PPP1R12A: variants seen among roughly 807,000 people sequenced by gnomAD.
PPP1R12A encodes the protein myosin binding subunit.
A neutral mutation model predicts 139.6 loss-of-function variants in PPP1R12A; 19 were observed. That is an observed-to-expected ratio of 0.14 (90% confidence interval 0.09 to 0.20). The LOEUF (loss-of-function observed/expected upper bound fraction) is 0.20, where lower values mean the gene tolerates loss of function less well. Among genes scored for constraint, PPP1R12A ranks in the 10% least tolerant of loss-of-function variants. The pLI is 1.00. For missense variants in PPP1R12A, 925 were observed against 1,211.5 expected (o/e 0.76, Z 3.51); for synonymous variants, 427 against 420.6 (o/e 1.02, Z -0.19).
chr12:79,831,214 GA>G (rs1234957359), intron 4 of PPP1R12A, among the ~76,000 whole-genome samples: 2 of 151,884 alleles, frequency 1.3e-5, no homozygotes, highest in African/African-American at 4.8e-5. Context: ...AGGTGGACAA[GA>G]AAACTAATAA....
At chr12:79,907,375 GA>G (rs910435406) in intron 1 of PPP1R12A, among the ~76,000 whole-genome samples, 9 of 151,922 alleles carry the variant, frequency 5.9e-5, no homozygotes, top group African/African-American at 2.4e-5. Flanking sequence ...AATTGGGGGG[GA>G]AAAACTTCTG....
chr12:79,892,852 C>T lies in PPP1R12A; in HGVS notation c.238-19914G>A, dbSNP rs140612847. On this transcript the variant is annotated intron_variant, in intron 1 of 24. Coordinates refer to ENST00000450142, the MANE Select transcript of PPP1R12A (RefSeq NM_002480.3). ...GGCGTGGTGGCTCATCCCTATAATC[C>T]CAGTACTTTGGAAGGCCAAGGTGGG... Among the ~76,000 whole-genome samples, 12 of 152,228 alleles carry T rather than the reference C, an allele frequency of 7.9e-5. No individual in the cohort carries two copies. In the East Asian group the frequency reaches 2.3e-3, roughly 29 times the overall value.
intron 3 of PPP1R12A, among the ~76,000 whole-genome samples, chr12:79,837,634 C>T (rs1277310841): frequency 6.6e-6 from 1 of 152,150 alleles, no homozygotes; most frequent in East Asian, 1.9e-4. Flanking sequence ...TGGGAGGTAA[C>T]TAAATCATGG....
At chr12:79,791,548 G>A (rs1369847119) in intron 19 of PPP1R12A, among the ~76,000 whole-genome samples, 1 of 152,084 alleles carries the variant, frequency 6.6e-6, no homozygotes, top group East Asian at 1.9e-4. Flanking sequence ...GGTTGGTCTT[G>A]AACTCCTGGG....
At chr12:79,875,430 C>A (rs1340507627) in intron 1 of PPP1R12A, among the ~76,000 whole-genome samples, 1 of 152,186 alleles carries the variant, frequency 6.6e-6, no homozygotes, top group East Asian at 1.9e-4. Context: ...CACAAAGCCA[C>A]TATTTGCCCA....
upstream of PPP1R12A, chr12:79,935,459 T>G: frequency 3.0e-6 from 3 of 987,630 alleles, no homozygotes; most frequent in Non-Finnish European, 2.4e-6. Context: ...CAGATCTGCC[T>G]CCCGTGCTGT....
Position 79,820,882 on chromosome 12 carries a change from A to C in PPP1R12A, c.1006T>G (p.Ser336Ala). 1 of 1,613,428 alleles carries C rather than the reference A, an allele frequency of 6.2e-7. No individual in the cohort carries two copies. The highest frequency in any genetic ancestry group is 8.5e-7 in the Non-Finnish European group (1 of 1,179,738). The change falls in exon 8 of 25, where the codon TCT (serine) becomes GCT (alanine). Residue 336 changes from serine (S) to alanine (A), a missense_variant. Physicochemically the swap from Ser to Ala is moderately conservative, Grantham distance 99 (BLOSUM62 1). Transcript: ENST00000450142. Reference sequence around the variant, plus strand: ...TCATCAACCTTTTCTTGTTCCAGAGATTCAATACGGGATGCATTTTTCTCT... The same window carrying C: ...TCATCAACCTTTTCTTGTTCCAGAGCTTCAATACGGGATGCATTTTTCTCT... ...EPEKNASRIE[S>A]LEQEKVDEEE...
intron 2 of PPP1R12A, among the ~76,000 whole-genome samples, chr12:79,846,684 C>T (rs1879450413): frequency 6.6e-6 from 1 of 151,586 alleles, no homozygotes; most frequent in South Asian, 2.1e-4. Flanking sequence ...CTGCCTCGGC[C>T]TCCCAAAGTG....
At chr12:79,823,037 C>A (rs1234427532) in intron 5 of PPP1R12A, among the ~76,000 whole-genome samples, 6 of 152,066 alleles carry the variant, frequency 3.9e-5, no homozygotes, top group African/African-American at 1.4e-4. Flanking sequence ...AGCTGTTTAA[C>A]ATTCAGCCAG....
At chr12:79,834,119 C>G (rs1317443423) in intron 3 of PPP1R12A, among the ~76,000 whole-genome samples, 1 of 151,944 alleles carries the variant, frequency 6.6e-6, no homozygotes, top group African/African-American at 2.4e-5. Flanking sequence ...GAAGATGATT[C>G]ATTTGTGAAG....
At chr12:79,865,767 T>C (rs1042360793) in intron 2 of PPP1R12A, among the ~76,000 whole-genome samples, 1 of 152,132 alleles carries the variant, frequency 6.6e-6, no homozygotes, top group African/African-American at 2.4e-5. Context: ...ATAAGCGATG[T>C]GAAGGACCTC....
At position 79,798,553 on chromosome 12, in the gene PPP1R12A, A is replaced by C. The variant is rs766981682; in HGVS notation, c.2032T>G (p.Ser678Ala). The C allele has an allele frequency of 2.5e-6, 4 of 1,570,074 alleles. No homozygotes were observed. Among genetic ancestry groups the C allele is most frequent in the Admixed American group, 3.7e-5 (2 of 54,696 alleles). The change falls in exon 15 of 25, where the codon TCT becomes GCT. Residue 678 changes from serine (S) to alanine (A), a missense_variant. Coordinates refer to ENST00000450142, the MANE Select transcript of PPP1R12A (RefSeq NM_002480.3). ...GATCTTGCTTTTCTTTGGGATTCAG[A>C]CTCTTCATCCCTAACAGGAGTGAGG... ...SYLTPVRDEE[S>A]ESQRKARSRQ...
intron 3 of PPP1R12A, among the ~76,000 whole-genome samples, 187 bp downstream of exon 3, chr12:79,845,115 A>G (rs1879226725): frequency 6.6e-6 from 1 of 152,212 alleles, no homozygotes; most frequent in Non-Finnish European, 1.5e-5. Context: ...TTTAACTTTA[A>G]AAATACTTAA....
intron 8 of PPP1R12A, among the ~76,000 whole-genome samples, chr12:79,820,396 T>C (rs914200067): frequency 6.6e-5 from 10 of 152,176 alleles, no homozygotes; most frequent in African/African-American, 2.4e-4. Flanking sequence ...TACTTTACTA[T>C]TTCTTAGGGA....
At chr12:79,855,815 T>C (rs1565780502) in intron 2 of PPP1R12A, among the ~76,000 whole-genome samples, 1 of 152,098 alleles carries the variant, frequency 6.6e-6, no homozygotes, top group African/African-American at 2.4e-5. Flanking sequence ...AAACTTAAAA[T>C]TTATGTTTTC....
chr12:79,791,012 A>G (rs1871777087), intron 19 of PPP1R12A, among the ~76,000 whole-genome samples: 1 of 152,150 alleles, frequency 6.6e-6, no homozygotes, highest in African/African-American at 2.4e-5. Context: ...GTTTTACTAA[A>G]GTCTGTAAAT....
At chr12:79,921,310 TAAAAAG>T (rs1313500707) in intron 1 of PPP1R12A, among the ~76,000 whole-genome samples, 1 of 151,884 alleles carries the variant, frequency 6.6e-6, no homozygotes, top group African/African-American at 2.4e-5. Flanking sequence ...ACAGATCATA[TAAAAAG>T]AAAGTTGAAA....
At chr12:79,805,023 G>C (rs1055868108) in intron 14 of PPP1R12A, among the ~76,000 whole-genome samples, 12 of 152,118 alleles carry the variant, frequency 7.9e-5, no homozygotes, top group Admixed American at 7.9e-4. Context: ...AATAAATTCA[G>C]ACTCTTTGAA....
At chr12:79,827,569 AG>A (rs1565762716) in intron 5 of PPP1R12A, among the ~76,000 whole-genome samples, 1 of 152,174 alleles carries the variant, frequency 6.6e-6, no homozygotes, top group Non-Finnish European at 1.5e-5. Context: ...AGAGACTAGC[AG>A]GAATACTGGT....
Sources: gnomAD v4.1 joint callset for allele counts (sites outside exome capture counted in the v4.1 genomes callset) on GRCh38, gnomAD v4.1.1 for gene constraint, MANE v1.5 for transcripts, NCBI Gene and HGNC (gene_info 2026-07-23, HGNC 2026-07-21) for gene names.